Variants in NLGN4Y observed in about 807,000 individuals in gnomAD.
NLGN4Y encodes neuroligin 4 Y-linked.
Under a neutral mutation model 8.4 loss-of-function variants are expected in NLGN4Y, and 4 were observed. That is an observed-to-expected ratio of 0.48 (90% CI 0.23 to 1.09). The LOEUF is 1.09. NLGN4Y is among the 50% of genes least tolerant of loss of function. The pLI, the probability that NLGN4Y is intolerant of heterozygous loss-of-function variation, is 0.19. For missense variants in NLGN4Y, 90 were observed against 192.3 expected (o/e 0.47, Z 3.15); for synonymous variants, 35 against 75.6 (o/e 0.46, Z 2.78).
At chrY:14,643,347 A>T (rs964807197) in intron 2 of NLGN4Y, among the ~76,000 whole-genome samples, 1 of 33,276 alleles carries the variant, frequency 3.0e-5, no homozygotes, top group African/African-American at 1.2e-4. Flanking sequence ...TTGGGGGAAA[A>T]ATCTTACCTA....
chrY:14,669,921 T>C, intron 2 of NLGN4Y, among the ~76,000 whole-genome samples: 1 of 34,296 alleles, frequency 2.9e-5, no homozygotes, highest in South Asian at 6.3e-4. Context: ...CCATGAAAAA[T>C]GGCTTCTCCA....
At chrY:14,757,677 T>C (rs999571620) in intron 4 of NLGN4Y, among the ~76,000 whole-genome samples, 1 of 34,198 alleles carries the variant, frequency 2.9e-5, no homozygotes, top group African/African-American at 1.1e-4. Flanking sequence ...TATGGGCTCA[T>C]GTGAATCTCT....
chrY:14,643,731 A>C, intron 2 of NLGN4Y, among the ~76,000 whole-genome samples: 1 of 33,923 alleles, frequency 2.9e-5, no homozygotes, highest in Non-Finnish European at 7.3e-5. Flanking sequence ...ACTGTAGAAT[A>C]AGCCAATTTG....
chrY:14,577,213 G>GA (rs2080302154), intron 1 of NLGN4Y, among the ~76,000 whole-genome samples: 4 of 33,450 alleles, frequency 1.2e-4, no homozygotes, highest in South Asian at 6.6e-4. Flanking sequence ...TTTAAAAATT[G>GA]AAAAAATAAT....
intron 2 of NLGN4Y, among the ~76,000 whole-genome samples, chrY:14,698,372 G>A (rs2080838733): frequency 6.0e-5 from 2 of 33,200 alleles, no homozygotes; most frequent in African/African-American, 1.2e-4. Flanking sequence ...TCAATTGAAC[G>A]TGTACATAGA....
chrY:14,741,095 G>A, intron 4 of NLGN4Y, among the ~76,000 whole-genome samples: 2 of 32,971 alleles, frequency 6.1e-5, no homozygotes, highest in African/African-American at 2.4e-4. Context: ...ATGTTTAAAG[G>A]TTCTAACAGA....
chrY:14,589,019 G>C (rs1603500557), intron 1 of NLGN4Y, among the ~76,000 whole-genome samples: 3 of 33,069 alleles, frequency 9.1e-5, no homozygotes, highest in East Asian at 1.6e-3. Flanking sequence ...TGGACCCAAA[G>C]AGTGAGCAGT....
intron 1 of NLGN4Y, among the ~76,000 whole-genome samples, chrY:14,573,924 T>G: frequency 1.5e-4 from 5 of 33,804 alleles, no homozygotes; most frequent in Admixed American, 1.1e-3. Flanking sequence ...AGTTTCTTAA[T>G]CCTGAGTTAT....
At chrY:14,638,044 CT>C (rs2080573802) in intron 2 of NLGN4Y, among the ~76,000 whole-genome samples, 1 of 32,259 alleles carries the variant, frequency 3.1e-5, no homozygotes, top group African/African-American at 1.2e-4. Context: ...TTAAAATATA[CT>C]TTAAGTTATG....
intron 2 of NLGN4Y, among the ~76,000 whole-genome samples, chrY:14,692,220 A>C: frequency 1.2e-4 from 4 of 33,381 alleles, no homozygotes; most frequent in African/African-American, 2.3e-4. Flanking sequence ...AATGATCTTT[A>C]ATATGAAAAG....
intron 1 of NLGN4Y, among the ~76,000 whole-genome samples, chrY:14,552,756 G>T (rs2150471527): frequency 3.0e-5 from 1 of 33,311 alleles, no homozygotes; most frequent in East Asian, 7.8e-4. Flanking sequence ...AATAAACTAG[G>T]TATTAATGGA....
At chrY:14,703,466 G>T (rs2080862937) in intron 2 of NLGN4Y, among the ~76,000 whole-genome samples, 1 of 33,296 alleles carries the variant, frequency 3.0e-5, no homozygotes, top group African/African-American at 1.2e-4. Context: ...AGATCAGATG[G>T]TTGTAGATAT....
At chrY:14,707,091 GTATA>G (rs1460684278) in intron 2 of NLGN4Y, among the ~76,000 whole-genome samples, 23 of 3,884 alleles carry the variant, frequency 5.9e-3, no homozygotes, top group African/African-American at 8.2e-3. Context: ...AATTTTATGT[GTATA>G]TATATATATA....
intron 4 of NLGN4Y, among the ~76,000 whole-genome samples, chrY:14,804,833 A>G (rs2043050828): frequency 3.0e-4 from 10 of 33,398 alleles, no homozygotes; most frequent in Non-Finnish European, 7.4e-4. Context: ...TGCCGTCTCA[A>G]TAGGATTTCC....
chrY:14,656,971 T>C (rs760662200), intron 2 of NLGN4Y, among the ~76,000 whole-genome samples: 33 of 32,969 alleles, frequency 1.0e-3, no homozygotes, highest in African/African-American at 3.4e-3. Context: ...TTTCTATGTT[T>C]ATATTTTTCT....
At chrY:14,542,916 T>G (rs775454059) in intron 1 of NLGN4Y, among the ~76,000 whole-genome samples, 6 of 28,303 alleles carry the variant, frequency 2.1e-4, no homozygotes, top group Admixed American at 2.1e-3. Flanking sequence ...CACTCATAAG[T>G]GCAAGTTGAA....
intron 4 of NLGN4Y, among the ~76,000 whole-genome samples, chrY:14,807,760 G>A (rs1039880435): frequency 3.0e-5 from 1 of 33,341 alleles, no homozygotes; most frequent in African/African-American, 1.2e-4. Flanking sequence ...CACAGAGCAG[G>A]CTGAATAAAT....
intron 1 of NLGN4Y, among the ~76,000 whole-genome samples, chrY:14,534,785 G>GTA (rs2080126335): frequency 3.2e-5 from 1 of 31,067 alleles, no homozygotes; most frequent in African/African-American, 1.3e-4. Context: ...GTGTGTGTGT[G>GTA]TGTGTGTGTG....
chrY:14,698,371 C>T, intron 2 of NLGN4Y, among the ~76,000 whole-genome samples: 5 of 33,169 alleles, frequency 1.5e-4, no homozygotes, highest in Non-Finnish European at 3.0e-4. Flanking sequence ...TTCAATTGAA[C>T]GTGTACATAG....
Sources: gnomAD v4.1 joint callset for allele counts (sites outside exome capture counted in the v4.1 genomes callset) on GRCh38, gnomAD v4.1.1 for gene constraint, MANE v1.5 for transcripts, NCBI Gene and HGNC (gene_info 2026-07-23, HGNC 2026-07-21) for gene names.